The following TNNI3K variants were observed in gnomAD, a reference collection of about 807,000 sequenced individuals.
The protein encoded by TNNI3K is serine/threonine-protein kinase TNNI3K.
A neutral mutation model predicts 114.5 loss-of-function variants in TNNI3K; 140 were observed. The observed-to-expected ratio is 1.22, with a 90% confidence interval of 1.07 to 1.41. The LOEUF is 1.41. TNNI3K is among the 40% of genes most tolerant of loss of function. The pLI is 0.00. For missense variants in TNNI3K, 1,125 were observed against 1,007.6 expected, an observed-to-expected ratio of 1.12 and a Z score of -1.58; for synonymous variants, 347 against 347.5, an observed-to-expected ratio of 1.00 and a Z score of 0.02.
At chr1:74,325,775 C>A in intron 5 of TNNI3K, among the ~76,000 whole-genome samples, 1 of 151,996 alleles carries the variant, frequency 6.6e-6, no homozygotes, top group East Asian at 1.9e-4. Context: ...TTGGAGGGGA[C>A]CATAATTGAG....
chr1:74,440,543 C>A (rs1666330093), intron 20 of TNNI3K, among the ~76,000 whole-genome samples: 1 of 152,018 alleles, frequency 6.6e-6, no homozygotes, highest in African/African-American at 2.4e-5. Flanking sequence ...AGAGAGGTAG[C>A]CACATCTCAT....
At chr1:74,471,763 A>G (rs1570664144) in intron 21 of TNNI3K, 3 of 411,848 alleles carry the variant, frequency 7.3e-6, no homozygotes, top group Non-Finnish European at 1.3e-5. Flanking sequence ...TGATAAATCT[A>G]TGTTGTCCTC....
intron 17 of TNNI3K, among the ~76,000 whole-genome samples, chr1:74,393,238 TA>T (rs1197456097): frequency 6.6e-6 from 1 of 151,588 alleles, no homozygotes; most frequent in Non-Finnish European, 1.5e-5. Flanking sequence ...AATATTGAGT[TA>T]GTTAGGGATA....
At chr1:74,339,257 T>C (rs6694833) in intron 7 of TNNI3K, among the ~76,000 whole-genome samples, 151,882 of 152,286 alleles carry the variant, frequency 1, 75,741 homozygotes, top group Non-Finnish European at 1. Context: ...ATGCCTCTTA[T>C]TCAATTATTT....
intron 17 of TNNI3K, among the ~76,000 whole-genome samples, chr1:74,392,759 AT>A (rs141797386): frequency 6.6e-6 from 1 of 152,290 alleles, no homozygotes; most frequent in African/African-American, 2.4e-5. Context: ...GAAATGCATA[AT>A]TTTTCCCCTT....
chr1:74,477,801 T>C (rs1011608674), intron 21 of TNNI3K, among the ~76,000 whole-genome samples: 5 of 152,208 alleles, frequency 3.3e-5, no homozygotes, highest in Non-Finnish European at 7.3e-5. Flanking sequence ...AAGAAGACGT[T>C]TGAATTTTCT....
Position 74,540,205 on chromosome 1 carries a change from T to C in TNNI3K, c.2352-29T>C, listed in dbSNP as rs186903291. The C allele has an allele frequency of 1.3e-4, 207 of 1,607,248 alleles. 1 individual carries two copies. The African/African-American group carries it at 2.4e-3, about 19-fold the overall frequency. On this transcript the variant is annotated intron_variant, in intron 23 of 24. Transcript: ENST00000326637. ...AAATGTTATTATCAGATCACCATAC[T>C]GTGAAACTGTGTTTTATTAATTTTC...
Position 74,544,204 on chromosome 1 carries a change from TTG to T in TNNI3K, c.*224_*225del. ...ACCAAGACAGAATGTATATGAAGAA[TTG>T]TTTTTAATTTTGTAAATTAAAAAAA... On this transcript the variant is annotated 3_prime_UTR_variant, in exon 25 of 25. Transcript: ENST00000326637. 4.3e-6 allele frequency: 2 copies of T among 462,612 alleles called. No homozygotes were observed. 28.7% of individuals were successfully genotyped at this position (462,612 alleles called of 1,614,324 possible). A position where few individuals can be genotyped will look rare whatever the true frequency, so the allele number is the denominator to read the frequency against.
At chr1:74,393,656 A>T (rs1663914347) in intron 17 of TNNI3K, among the ~76,000 whole-genome samples, 2 of 152,216 alleles carry the variant, frequency 1.3e-5, no homozygotes, top group African/African-American at 4.8e-5. Flanking sequence ...ATACAGCAGC[A>T]GTACCCAAAC....
intron 17 of TNNI3K, among the ~76,000 whole-genome samples, chr1:74,417,971 T>G (rs146409466): frequency 1.3e-5 from 2 of 152,246 alleles, no homozygotes; most frequent in Non-Finnish European, 2.9e-5. Flanking sequence ...ATTTCCAATT[T>G]CAATGTCTAT....
intron 20 of TNNI3K, among the ~76,000 whole-genome samples, chr1:74,445,489 C>T (rs368371425): frequency 0.02 from 2,908 of 145,760 alleles, 47 homozygotes; most frequent in Non-Finnish European, 0.032. Context: ...TTTGTTCTTG[C>T]GATAGTTTAC....
chr1:74,434,670 A>G (rs1666045139), intron 17 of TNNI3K, among the ~76,000 whole-genome samples: 1 of 152,028 alleles, frequency 6.6e-6, no homozygotes, highest in South Asian at 2.1e-4. Context: ...GATTCTCATC[A>G]TGTGTATTAA....
chr1:74,321,951 G>A (rs1003045315), intron 5 of TNNI3K, among the ~76,000 whole-genome samples: 1 of 151,986 alleles, frequency 6.6e-6, no homozygotes, highest in Non-Finnish European at 1.5e-5. Context: ...CGTTTGTAAT[G>A]GTTGTCAAGG....
At chr1:74,275,276 G>A (rs867329113) in intron 5 of TNNI3K, among the ~76,000 whole-genome samples, 13 of 152,112 alleles carry the variant, frequency 8.5e-5, no homozygotes, top group Non-Finnish European at 1.3e-4. Context: ...AGCAAGTCAC[G>A]TCTTACATGG....
intron 2 of TNNI3K, chr1:74,240,108 G>T: frequency 3.2e-6 from 1 of 308,326 alleles, no homozygotes; most frequent in Non-Finnish European, 6.7e-6. Context: ...ACTACATGGT[G>T]TTGTTTTTAT....
At chr1:74,483,056 C>T (rs274584) in intron 21 of TNNI3K, among the ~76,000 whole-genome samples, 68,008 of 152,084 alleles carry the variant, frequency 0.45, 17,545 homozygotes, top group East Asian at 0.67. Flanking sequence ...TCAGTTACCT[C>T]TGAAGGTCTT....
At chr1:74,270,536 T>C (rs1656279094) in intron 4 of TNNI3K, among the ~76,000 whole-genome samples, 1 of 151,880 alleles carries the variant, frequency 6.6e-6, no homozygotes, top group Non-Finnish European at 1.5e-5. Flanking sequence ...TTAATTTTAC[T>C]ATTTGTAGCT....
chr1:74,519,985 C>A lies in TNNI3K; in HGVS notation c.2352-20249C>A, dbSNP rs141183711. Among the ~76,000 whole-genome samples, 91 of 152,052 alleles carry A rather than the reference C, an allele frequency of 6.0e-4. 2 individuals carry two copies. In the East Asian group the frequency reaches 0.017, roughly 29 times the overall value. On this transcript the variant is annotated intron_variant, in intron 23 of 24. Coordinates refer to ENST00000326637, the MANE Select transcript of TNNI3K (RefSeq NM_015978.3). ...TGCCATTTTCTCTGTGGGATCTTGC[C>A]CAAGCTCATTTATGTATTTAATTTT...
intron 5 of TNNI3K, among the ~76,000 whole-genome samples, chr1:74,300,083 T>C (rs1022420077): frequency 4.6e-5 from 7 of 152,206 alleles, no homozygotes; most frequent in African/African-American, 1.7e-4. Flanking sequence ...AATTATCTTC[T>C]TTCTTTATCA....
Sources: gnomAD v4.1 joint callset for allele counts (sites outside exome capture counted in the v4.1 genomes callset) on GRCh38, gnomAD v4.1.1 for gene constraint, MANE v1.5 for transcripts, NCBI Gene and HGNC (gene_info 2026-07-23, HGNC 2026-07-21) for gene names.